TTC39C: variants seen among roughly 807,000 people sequenced by gnomAD.
The protein encoded by TTC39C is tetratricopeptide repeat domain 39C, also known as tetratricopeptide repeat protein 39C.
In TTC39C, 33 loss-of-function variants were observed where a neutral mutation model predicts 76.3. The ratio of observed to expected loss-of-function variants is 0.43; its 90% CI spans 0.33 to 0.58. The LOEUF (loss-of-function observed/expected upper bound fraction) is 0.58. TTC39C is among the 20% of genes least tolerant of loss of function. The probability of loss-of-function intolerance (pLI) is 0.04; values close to 1 mark genes in which losing one functional copy is unlikely to be tolerated. For synonymous variants in TTC39C, 254 were observed against 260.6 expected, an observed-to-expected ratio of 0.97 and a Z score of 0.24; for missense variants, 595 against 701.4, an observed-to-expected ratio of 0.85 and a Z score of 1.71.
intron 1 of TTC39C, among the ~76,000 whole-genome samples, chr18:24,045,901 A>ATATATATGTATATGTATATGTATATG (rs1427964136): frequency 2.6e-5 from 1 of 38,632 alleles, no homozygotes; most frequent in Non-Finnish European, 4.2e-5. Flanking sequence ...AAATATATAT[A>ATATATATGTATATGTATATGTATATG]TATATATATA....
intron 1 of TTC39C, among the ~76,000 whole-genome samples, chr18:23,993,881 A>T (rs993760608): frequency 6.6e-6 from 1 of 152,220 alleles, no homozygotes; most frequent in Non-Finnish European, 1.5e-5. Context: ...AATTGCTTTT[A>T]ATGGCAAAAC....
intron 1 of TTC39C, chr18:24,020,067 T>C: frequency 7.3e-7 from 1 of 1,370,864 alleles, no homozygotes; most frequent in Non-Finnish European, 9.3e-7. Flanking sequence ...TCTGCCTTGC[T>C]CCTGGAGACG....
chr18:24,105,981 T>A (rs557933117), intron 6 of TTC39C, among the ~76,000 whole-genome samples: 1 of 152,330 alleles, frequency 6.6e-6, no homozygotes, highest in South Asian at 2.1e-4. Flanking sequence ...CCCCCATCTC[T>A]GTCTCCGCCT....
At chr18:24,029,403 ATG>A (rs2083641295) in intron 1 of TTC39C, among the ~76,000 whole-genome samples, 1 of 152,236 alleles carries the variant, frequency 6.6e-6, no homozygotes, top group South Asian at 2.1e-4. Context: ...ACGTGGCCAG[ATG>A]TGTGTGTTTA....
At chr18:24,058,639 C>T (rs1384428943) in intron 1 of TTC39C, among the ~76,000 whole-genome samples, 1 of 151,712 alleles carries the variant, frequency 6.6e-6, no homozygotes, top group Non-Finnish European at 1.5e-5. Flanking sequence ...CAGAGTGAGA[C>T]TCTGTCTCAA....
At chr18:24,054,976 T>C (rs1259463480) in intron 1 of TTC39C, among the ~76,000 whole-genome samples, 1 of 152,250 alleles carries the variant, frequency 6.6e-6, no homozygotes, top group African/African-American at 2.4e-5. Flanking sequence ...AGGTACTTCA[T>C]AGAAGTGGAA....
At chr18:24,118,654 AT>A (rs10537168) in intron 8 of TTC39C, among the ~76,000 whole-genome samples, 36,046 of 141,672 alleles carry the variant, frequency 0.25, 4,734 homozygotes, top group East Asian at 0.42. Context: ...CAGTGTGTTA[AT>A]TTTTTTTTTT....
chr18:24,022,217 C>T (rs2083525501), intron 1 of TTC39C, among the ~76,000 whole-genome samples: 1 of 152,178 alleles, frequency 6.6e-6, no homozygotes, highest in Non-Finnish European at 1.5e-5. Context: ...TGGAACCAAT[C>T]CCCCATGGAT....
chr18:24,024,701 C>G (rs1255690860), intron 1 of TTC39C, among the ~76,000 whole-genome samples: 1 of 152,144 alleles, frequency 6.6e-6, no homozygotes, highest in Non-Finnish European at 1.5e-5. Flanking sequence ...TTAAATCCCT[C>G]TGCACACCAA....
intron 6 of TTC39C, among the ~76,000 whole-genome samples, chr18:24,088,511 G>A (rs1455967632): frequency 3.9e-5 from 6 of 152,198 alleles, no homozygotes; most frequent in South Asian, 2.1e-4. Context: ...GTCCTGCAAC[G>A]TTGAAGTCAT....
chr18:24,121,366 A>G (rs1012463210), intron 8 of TTC39C, among the ~76,000 whole-genome samples: 1 of 151,916 alleles, frequency 6.6e-6, no homozygotes, highest in African/African-American at 2.4e-5. Flanking sequence ...TGAGGTCGGG[A>G]GTTCGAGACC....
chr18:24,095,010 G>A (rs1048622181), intron 6 of TTC39C, among the ~76,000 whole-genome samples: 1 of 152,204 alleles, frequency 6.6e-6, no homozygotes, highest in Non-Finnish European at 1.5e-5. Flanking sequence ...CCAATAGAAG[G>A]CTGCTTTGTC....
intron 5 of TTC39C, among the ~76,000 whole-genome samples, chr18:24,081,626 C>T (rs2084376150): frequency 6.6e-6 from 1 of 152,130 alleles, no homozygotes; most frequent in African/African-American, 2.4e-5. Flanking sequence ...CAGCACTTGT[C>T]AAAATTTTCC....
intron 6 of TTC39C, among the ~76,000 whole-genome samples, chr18:24,087,473 A>G (rs556968052): frequency 6.6e-6 from 1 of 152,278 alleles, no homozygotes; most frequent in South Asian, 2.1e-4. Context: ...AATTTTTAAT[A>G]TTATTTACCT....
intron 1 of TTC39C, among the ~76,000 whole-genome samples, chr18:23,997,669 A>AGAAG (rs778127750): frequency 0.26 from 34,641 of 132,396 alleles, 6,078 homozygotes; most frequent in Middle Eastern, 0.34. Flanking sequence ...AAAGAAAGAA[A>AGAAG]GAAAGAAAGA....
At chr18:24,005,974 T>C (rs530211137) in intron 1 of TTC39C, among the ~76,000 whole-genome samples, 5 of 152,120 alleles carry the variant, frequency 3.3e-5, no homozygotes, top group East Asian at 1.9e-4. Context: ...AGAATGTATG[T>C]GTGTGCCTTC....
rs771104629 is a variant in TTC39C, at chr18:24,082,986, C to A, written c.889C>A (p.Leu297Met). ...GGATGGCAGTGATAACAAGGCAGGCCTGGATGAAGCTAAGGAAATTCTCCT... is the reference window on the plus strand; with the variant it reads ...GGATGGCAGTGATAACAAGGCAGGCATGGATGAAGCTAAGGAAATTCTCCT... ...ALDGSDNKAG[L>M]DEAKEILLKK... The change falls in exon 6 of 14, where the codon CTG becomes ATG. Residue 297 changes from leucine (L) to methionine (M), a missense_variant. By Grantham distance (15) the Leu-to-Met change is conservative (BLOSUM62 2). Transcript: ENST00000317571. The A allele has an allele frequency of 6.2e-7, 1 of 1,614,116 alleles. No homozygotes were observed. The highest frequency in any genetic ancestry group is 1.1e-5 in the South Asian group (1 of 91,082).
chr18:24,044,312 C>T (rs1034475893), intron 1 of TTC39C, among the ~76,000 whole-genome samples: 4 of 152,106 alleles, frequency 2.6e-5, no homozygotes, highest in Non-Finnish European at 5.9e-5. Context: ...CATTTGCTGA[C>T]CTGGACCAGA....
chr18:24,065,275 TGAG>T (rs1328835988), intron 2 of TTC39C, among the ~76,000 whole-genome samples: 1 of 152,130 alleles, frequency 6.6e-6, no homozygotes, highest in Non-Finnish European at 1.5e-5. Context: ...TGATAGGAAA[TGAG>T]GAGTTAGAGA....
Sources: allele counts gnomAD v4.1 joint callset (sites outside exome capture counted in the v4.1 genomes callset), GRCh38; gene constraint gnomAD v4.1.1; transcripts MANE v1.5; gene names NCBI Gene and HGNC (gene_info 2026-07-23, HGNC 2026-07-21).